VAMP7: variants seen among roughly 807,000 people sequenced by gnomAD.
VAMP7 encodes vesicle-associated membrane protein 7.
Under a neutral mutation model 29.6 loss-of-function variants are expected in VAMP7, and 14 were observed. The observed-to-expected ratio is 0.47, with a 90% confidence interval of 0.31 to 0.74. The LOEUF (loss-of-function observed/expected upper bound fraction) is 0.74, where lower values mean the gene tolerates loss of function less well. VAMP7 is among the 30% of genes least tolerant of loss of function. VAMP7 has a pLI of 0.05. For missense variants in VAMP7, 223 were observed against 262.4 expected, an observed-to-expected ratio of 0.85 and a Z score of 1.04; for synonymous variants, 95 against 88.1, an observed-to-expected ratio of 1.08 and a Z score of -0.44.
In VAMP7 at chrX:155,919,748, TA is replaced by T. The variant is rs1008566870; in HGVS notation, c.434-58del. Reference sequence around the variant, plus strand: ...TATTCATTAAGTTATATTACTTTTTTAAAAAAAGTTTATTTTATTCTACAAT... The same window carrying T: ...TATTCATTAAGTTATATTACTTTTTTAAAAAAGTTTATTTTATTCTACAAT... On this transcript the variant is annotated intron_variant, in intron 5 of 7. Coordinates refer to ENST00000286448, the MANE Select transcript of VAMP7 (RefSeq NM_005638.6). 3 of 1,453,002 alleles carry T rather than the reference TA, an allele frequency of 2.1e-6. No individual in the cohort carries two copies. The Admixed American group carries it at 5.3e-5, about 26-fold the overall frequency. 90.0% of individuals were successfully genotyped at this position (1,453,002 alleles called of 1,614,324 possible).
rs1442537215 is a variant in VAMP7 at position 155,898,410 on chromosome X, G to A, written c.342+161G>A. Among the ~76,000 whole-genome samples the A allele has an allele frequency of 7.9e-5, 12 of 151,856 alleles. No homozygotes were observed. The East Asian group carries it at 1.9e-3, about 25-fold the overall frequency. On this transcript the variant is annotated intron_variant, in intron 4 of 7. Coordinates refer to ENST00000286448, the MANE Select transcript of VAMP7 (RefSeq NM_005638.6). ...CTGATTAAAAAAAAAATGTAAAGGGGCCATTTTAGGGTAGAAAACAGTGAT... is the reference window on the plus strand; with the variant it reads ...CTGATTAAAAAAAAAATGTAAAGGGACCATTTTAGGGTAGAAAACAGTGAT...
rs747958490 is a variant in VAMP7, at chrX:155,916,031, G to A, written c.434-3782G>A. On this transcript the variant is annotated intron_variant, in intron 5 of 7. Coordinates refer to ENST00000286448, the MANE Select transcript of VAMP7 (RefSeq NM_005638.6). ...CTGTAAGAACTTGCTTTATGAATCT[G>A]GGTGCTCCTGTATTGGGTGCATATA... Among the ~76,000 whole-genome samples, 269 of 152,278 alleles carry A rather than the reference G, an allele frequency of 1.8e-3. 1 individual carries two copies. The highest frequency in any genetic ancestry group is 6.3e-3 in the African/African-American group (261 of 41,568).
intron 6 of VAMP7, among the ~76,000 whole-genome samples, chrX:155,936,051 T>G (rs1377221504): frequency 1.6e-5 from 2 of 124,860 alleles, no homozygotes; most frequent in African/African-American, 6.3e-5. Flanking sequence ...CTCTGATCGT[T>G]CCTCTGGAGG....
At chrX:155,887,958 AGAAAC>A (rs1270430833) in intron 1 of VAMP7, among the ~76,000 whole-genome samples, 2 of 151,886 alleles carry the variant, frequency 1.3e-5, no homozygotes, top group African/African-American at 4.8e-5. Flanking sequence ...AAAAAAGAAA[AGAAAC>A]AGAACAGTAG....
At chrX:155,889,386 ATG>A in intron 1 of VAMP7, 70 bp from the exon 2 acceptor site, 1 of 1,554,732 alleles carries the variant, frequency 6.4e-7, no homozygotes, top group African/African-American at 1.4e-5. Context: ...ATGTTGATAA[ATG>A]ATAGTAAGTT....
At chrX:155,896,127 A>T (rs917471338) in intron 3 of VAMP7, among the ~76,000 whole-genome samples, 1 of 152,192 alleles carries the variant, frequency 6.6e-6, no homozygotes, top group African/African-American at 2.4e-5. Context: ...CGAACTTTAC[A>T]TAGCTGGAAT....
rs368027350 is a variant in VAMP7, at chrX:155,935,395, G to A, written c.502-4306G>A. The stretch of plus-strand genomic sequence containing the variant: ...CCCATATTTCTTGGAGGCTTTTTTC[G>A]TTTCTTTTTATTCTTTTTTCTCTAA... On this transcript the variant is annotated intron_variant, in intron 6 of 7. Coordinates refer to ENST00000286448, the MANE Select transcript of VAMP7 (RefSeq NM_005638.6). Among the ~76,000 whole-genome samples the A allele has an allele frequency of 1.6e-4, 24 of 151,908 alleles. No individual in the cohort carries two copies. In the East Asian group the frequency reaches 2.3e-3, roughly 15 times the overall value.
At chrX:155,892,437 G>A (rs1164911553) in intron 2 of VAMP7, among the ~76,000 whole-genome samples, 1 of 151,976 alleles carries the variant, frequency 6.6e-6, no homozygotes, top group Admixed American at 6.5e-5. Flanking sequence ...TTTTCCTTCT[G>A]TGGGCTCATC....
chrX:155,926,140 C>T (rs2066463637), intron 6 of VAMP7, among the ~76,000 whole-genome samples: 1 of 152,072 alleles, frequency 6.6e-6, no homozygotes, highest in African/African-American at 2.4e-5. Flanking sequence ...TGGTAAATTA[C>T]CATTGGCTTC....
chrX:155,926,403 A>G (rs1346580711), intron 6 of VAMP7, among the ~76,000 whole-genome samples: 1 of 152,186 alleles, frequency 6.6e-6, no homozygotes, highest in African/African-American at 2.4e-5. Context: ...CTTTTATGTT[A>G]TAGAGATGGC....
chrX:155,913,218 G>A (rs2066262823), intron 5 of VAMP7, among the ~76,000 whole-genome samples: 1 of 151,846 alleles, frequency 6.6e-6, no homozygotes, highest in South Asian at 2.1e-4. Context: ...CTTTTTGATG[G>A]GGTTGTTTTT....
chrX:155,881,719 G>T (rs1282342100), intron 1 of VAMP7, among the ~76,000 whole-genome samples: 1 of 152,166 alleles, frequency 6.6e-6, no homozygotes, highest in African/African-American at 2.4e-5. Flanking sequence ...CTCTCAGTTT[G>T]TATTCTACAA....
chrX:155,917,922 C>G (rs760538568), intron 5 of VAMP7, among the ~76,000 whole-genome samples: 5 of 152,164 alleles, frequency 3.3e-5, no homozygotes, highest in Admixed American at 3.3e-4. Context: ...CCCCTTCCCC[C>G]AGGTGCTCGG....
chrX:155,926,766 T>A (rs2066473034), intron 6 of VAMP7, among the ~76,000 whole-genome samples: 1 of 152,220 alleles, frequency 6.6e-6, no homozygotes, highest in Non-Finnish European at 1.5e-5. Context: ...TAAGCTTAAT[T>A]ATTTTTATCT....
In VAMP7 at chrX:155,919,892, A is replaced by G. The variant is rs2066370679; in HGVS notation, c.501+12A>G. 5 of 1,599,100 alleles carry G rather than the reference A, an allele frequency of 3.1e-6. No individual in the cohort carries two copies. The highest frequency in any genetic ancestry group is 1.7e-5 in the Admixed American group (1 of 59,824). ...ATCTTGTGGATTCTGTAAGTATGGA[A>G]TCTGATAATATGGAGTCTGATGTAA... On this transcript the variant is annotated intron_variant, in intron 6 of 7. Transcript: ENST00000286448.
intron 2 of VAMP7, among the ~76,000 whole-genome samples, chrX:155,890,350 TTTTATTTATTTA>T (rs753165878): frequency 3.3e-5 from 5 of 151,198 alleles, no homozygotes; most frequent in Non-Finnish European, 7.4e-5. Flanking sequence ...GTCAGGTTTG[TTTTATTTATTTA>T]TTTATTTATT....
intron 5 of VAMP7, among the ~76,000 whole-genome samples, chrX:155,919,007 T>A (rs1283444360): frequency 1.3e-5 from 2 of 152,216 alleles, no homozygotes; most frequent in Non-Finnish European, 2.9e-5. Context: ...GATTTTTGCA[T>A]CTGTGATCAT....
intron 3 of VAMP7, among the ~76,000 whole-genome samples, chrX:155,896,490 A>G (rs1287881101): frequency 6.6e-6 from 1 of 152,182 alleles, no homozygotes; most frequent in Non-Finnish European, 1.5e-5. Context: ...GTCGGCTCTC[A>G]GCCCAAAATT....
At chrX:155,896,032 G>A (rs750676840) in intron 3 of VAMP7, among the ~76,000 whole-genome samples, 2 of 152,240 alleles carry the variant, frequency 1.3e-5, no homozygotes, top group East Asian at 3.9e-4. Flanking sequence ...CCAGTCCTTG[G>A]AAAAATTGTC....
Sources: allele counts gnomAD v4.1 joint callset (sites outside exome capture counted in the v4.1 genomes callset), GRCh38; gene constraint gnomAD v4.1.1; transcripts MANE v1.5; gene names NCBI Gene and HGNC (gene_info 2026-07-23, HGNC 2026-07-21).